The following NNMT variants were observed in gnomAD, a reference collection of about 807,000 sequenced individuals.
NNMT encodes the protein nicotinamide N-methyltransferase.
NNMT carries 10 observed loss-of-function variants against 11.7 expected under a neutral mutation model. The observed-to-expected ratio is 0.85, with a 90% CI of 0.53 to 1.45. NNMT has a LOEUF of 1.45. NNMT is among the 40% of genes most tolerant of loss of function. The probability of loss-of-function intolerance (pLI) is 0.00; values close to 1 mark genes in which losing one functional copy is unlikely to be tolerated. For synonymous variants in NNMT, 143 were observed against 133.8 expected, an observed-to-expected ratio of 1.07 and a Z score of -0.48; for missense variants, 381 against 319.4, an observed-to-expected ratio of 1.19 and a Z score of -1.47.
At chr11:114,261,144 A>G (rs1945077290) in intron 1 of NNMT, among the ~76,000 whole-genome samples, 2 of 152,328 alleles carry the variant, frequency 1.3e-5, no homozygotes, top group African/African-American at 4.8e-5. Context: ...CCACGGAGCC[A>G]GGGACCCAGG....
intron 1 of NNMT, among the ~76,000 whole-genome samples, chr11:114,259,700 TG>T (rs1945060669): frequency 1.4e-5 from 2 of 138,238 alleles, no homozygotes; most frequent in Non-Finnish European, 3.2e-5. Flanking sequence ...TCAGTGAAAG[TG>T]AACTCGCTCA....
chr11:114,282,634 T>C (rs1485324048), intron 2 of NNMT, among the ~76,000 whole-genome samples: 1 of 152,314 alleles, frequency 6.6e-6, no homozygotes, highest in South Asian at 2.1e-4. Flanking sequence ...AACAGATTAA[T>C]GTATGGCACT....
chr11:114,261,540 C>T (rs1013982516), intron 1 of NNMT, among the ~76,000 whole-genome samples: 2 of 152,258 alleles, frequency 1.3e-5, no homozygotes, highest in Middle Eastern at 3.4e-3. Context: ...GCCGAGATGG[C>T]GCCATTGCAT....
intron 1 of NNMT, among the ~76,000 whole-genome samples, chr11:114,260,235 T>A (rs1472491111): frequency 9.9e-5 from 15 of 152,208 alleles, no homozygotes; most frequent in Admixed American, 9.8e-4. Flanking sequence ...ATCTCAGGCA[T>A]GCTGTCCATC....
rs1264763936 is a variant in NNMT at position 114,296,444 on chromosome 11, G to A, written c.-113G>A. ...TTCTAAAAGAAGGGCTGAACTGATG[G>A]AAGGAATGCTGTTAGCCTGAGACTC... On this transcript the variant is annotated 5_prime_UTR_variant, in exon 1 of 3. Transcript: ENST00000299964. The A allele has an allele frequency of 5.6e-6, 6 of 1,073,054 alleles. No homozygotes were observed. The highest frequency in any genetic ancestry group is 2.4e-5 in the East Asian group (1 of 41,454). 66.5% of individuals were successfully genotyped at this position (1,073,054 alleles called of 1,614,324 possible). A position where few individuals can be genotyped will look rare whatever the true frequency, so the allele number is the denominator to read the frequency against.
At position 114,312,769 on chromosome 11, in the gene NNMT, C is replaced by G. The variant is rs531435529; in HGVS notation, c.*292C>G. 2 of 370,880 alleles carry G rather than the reference C, an allele frequency of 5.4e-6. No homozygotes were observed. Among genetic ancestry groups the G allele is most frequent in the East Asian group, 4.2e-5 (1 of 23,708 alleles). 23.0% of individuals were successfully genotyped at this position (370,880 alleles called of 1,614,324 possible). A position where few individuals can be genotyped will look rare whatever the true frequency, so the allele number is the denominator to read the frequency against. ...CCCTAAACATCTAGTTATGGCGGCT[C>G]AAGCCCGTACCTGCCTACAGAGAAG... On this transcript the variant is annotated 3_prime_UTR_variant, in exon 3 of 3. Transcript: ENST00000299964.
intron 2 of NNMT, among the ~76,000 whole-genome samples, chr11:114,264,703 G>C (rs1464783184): frequency 6.6e-6 from 1 of 152,214 alleles, no homozygotes; most frequent in Non-Finnish European, 1.5e-5. Flanking sequence ...CCGTGCTTCT[G>C]ATGACCAGCT....
chr11:114,265,163 C>T (rs1241339223), intron 2 of NNMT, among the ~76,000 whole-genome samples: 1 of 152,204 alleles, frequency 6.6e-6, no homozygotes, highest in Non-Finnish European at 1.5e-5. Context: ...CCTCAGTAAA[C>T]TCATTCGCAT....
intron 2 of NNMT, among the ~76,000 whole-genome samples, chr11:114,307,854 T>G (rs528463949): frequency 6.6e-6 from 1 of 151,896 alleles, no homozygotes. Flanking sequence ...GCCCGACTCC[T>G]TTTTGGAGGA....
At chr11:114,296,090 C>T (rs1238472155), upstream of NNMT, 7 of 153,822 alleles carry the variant, frequency 4.6e-5, no homozygotes, top group Admixed American at 4.5e-4. Flanking sequence ...TAAATTTAAA[C>T]CATTCTTCGT....
chr11:114,302,631 T>C (rs1266413355), intron 2 of NNMT, among the ~76,000 whole-genome samples: 2 of 152,206 alleles, frequency 1.3e-5, no homozygotes, highest in African/African-American at 4.8e-5. Flanking sequence ...GTTTAAGTGT[T>C]AGTTGAATAG....
chr11:114,300,372 A>C (rs764163343), intron 2 of NNMT, among the ~76,000 whole-genome samples: 5 of 152,084 alleles, frequency 3.3e-5, no homozygotes, highest in Non-Finnish European at 7.4e-5. Context: ...TTTTCTAGCT[A>C]TCTTATTGTT....
At position 114,312,136 on chromosome 11, in the gene NNMT, G is replaced by A. The variant is rs771513232; in HGVS notation, c.454G>A (p.Val152Ile). Residue 152 changes from valine to isoleucine, a missense_variant, in exon 3 of 3, where the codon GTC becomes ATC. Coordinates refer to ENST00000299964, the MANE Select transcript of NNMT (RefSeq NM_006169.3). ...DVTQSQPLGA[V>I]PLPPADCVLS... ...GACTCAGAGCCAGCCACTGGGGGCC[G>A]TCCCCTTACCCCCGGCTGACTGCGT... 96 of 1,613,736 alleles carry A rather than the reference G, an allele frequency of 5.9e-5. No individual in the cohort carries two copies. Among genetic ancestry groups the A allele is most frequent in the Non-Finnish European group, 7.0e-5 (83 of 1,179,828 alleles).
chr11:114,279,075 T>C (rs932604164), intron 2 of NNMT, among the ~76,000 whole-genome samples: 2 of 152,138 alleles, frequency 1.3e-5, no homozygotes, highest in Admixed American at 6.5e-5. Flanking sequence ...TGGTGTTAGT[T>C]ATGTGAACAT....
At chr11:114,271,569 T>G (rs1030199998) in intron 2 of NNMT, among the ~76,000 whole-genome samples, 1 of 152,180 alleles carries the variant, frequency 6.6e-6, no homozygotes, top group African/African-American at 2.4e-5. Context: ...CTGGGTTAGA[T>G]TCAATTTTTT....
chr11:114,268,950 A>G (rs1945147054), intron 2 of NNMT, among the ~76,000 whole-genome samples: 1 of 152,170 alleles, frequency 6.6e-6, no homozygotes, highest in South Asian at 2.1e-4. Flanking sequence ...TTACTCTGTC[A>G]TGGCCAGAAG....
Position 114,296,496 on chromosome 11 carries a change from C to A in NNMT, c.-61C>A. On this transcript the variant is annotated 5_prime_UTR_variant, in exon 1 of 3. Coordinates refer to ENST00000299964, the MANE Select transcript of NNMT (RefSeq NM_006169.3). ...GGAAGACAACTTCTGCAGGGTCACTCCCTGGCTTCTGGAGGAAAGAGAAGG... is the reference window on the plus strand; with the variant it reads ...GGAAGACAACTTCTGCAGGGTCACTACCTGGCTTCTGGAGGAAAGAGAAGG... 1 of 1,577,180 alleles carries A rather than the reference C, an allele frequency of 6.3e-7. No homozygotes were observed. The highest frequency in any genetic ancestry group is 1.1e-5 in the South Asian group (1 of 87,138).
intron 2 of NNMT, among the ~76,000 whole-genome samples, chr11:114,308,904 C>T (rs899140077): frequency 1.3e-5 from 2 of 152,208 alleles, no homozygotes; most frequent in Non-Finnish European, 2.9e-5. Flanking sequence ...GGCACATTCT[C>T]TGTGAGCTTT....
intron 2 of NNMT, among the ~76,000 whole-genome samples, chr11:114,271,076 TC>T (rs1367172599): frequency 2.0e-5 from 3 of 152,058 alleles, no homozygotes; most frequent in African/African-American, 7.2e-5. Flanking sequence ...CATGCTCGGC[TC>T]CGAATGACCT....
Sources: gnomAD v4.1 joint callset for allele counts (sites outside exome capture counted in the v4.1 genomes callset) on GRCh38, gnomAD v4.1.1 for gene constraint, MANE v1.5 for transcripts, NCBI Gene and HGNC (gene_info 2026-07-23, HGNC 2026-07-21) for gene names.